Variants in SMAD4 observed in about 807,000 individuals in gnomAD.
SMAD4 encodes MAD homolog 4.
SMAD4 carries 7 observed loss-of-function variants against 63.2 expected under a neutral mutation model. That is an observed-to-expected ratio of 0.11 (90% confidence interval 0.06 to 0.21). The LOEUF is 0.21. Ranked by LOEUF, SMAD4 falls within the 10% of genes least tolerant of loss-of-function variation. SMAD4 has a pLI of 1.00. For synonymous variants in SMAD4, 215 were observed against 235.4 expected, an observed-to-expected ratio of 0.91 and a Z score of 0.79; for missense variants, 312 against 693.8, an observed-to-expected ratio of 0.45 and a Z score of 6.18.
At chr18:51,070,492 A>T (rs976606990) in intron 10 of SMAD4, among the ~76,000 whole-genome samples, 1 of 152,224 alleles carries the variant, frequency 6.6e-6, no homozygotes, top group Non-Finnish European at 1.5e-5. Flanking sequence ...TAAAATAATT[A>T]TGTCTGTTTA....
chr18:51,035,743 A>G (rs1909184910), intron 1 of SMAD4, among the ~76,000 whole-genome samples: 1 of 152,144 alleles, frequency 6.6e-6, no homozygotes, highest in Admixed American at 6.5e-5. Flanking sequence ...CATCTAGGGC[A>G]TGTTCAGCTC....
intron 1 of SMAD4, among the ~76,000 whole-genome samples, chr18:51,034,277 G>C (rs981626262): frequency 7.4e-6 from 1 of 134,630 alleles, no homozygotes; most frequent in Admixed American, 8.5e-5. Flanking sequence ...ACGGAGTTTC[G>C]CTCTTGTCAC....
intron 10 of SMAD4, among the ~76,000 whole-genome samples, chr18:51,071,276 A>ACATACACACACACG (rs1910308533): frequency 1.3e-5 from 2 of 152,044 alleles, no homozygotes; most frequent in African/African-American, 4.8e-5. Flanking sequence ...ACACACACAC[A>ACATACACACACACG]CACATACACA....
intron 10 of SMAD4, among the ~76,000 whole-genome samples, chr18:51,070,492 A>G (rs976606990): frequency 5.3e-5 from 8 of 152,224 alleles, no homozygotes; most frequent in African/African-American, 1.2e-4. Context: ...TAAAATAATT[A>G]TGTCTGTTTA....
chr18:51,058,516 T>A lies in SMAD4; in HGVS notation c.904+60T>A, dbSNP rs1909909632. 4 of 1,102,906 alleles carry A rather than the reference T, an allele frequency of 3.6e-6. No individual in the cohort carries two copies. The Admixed American group carries it at 8.1e-5, about 22-fold the overall frequency. The allele number at this position is 1,102,906 out of a possible 1,614,324, so 68.3% of individuals were successfully genotyped here. On this transcript the variant is annotated intron_variant, in intron 7 of 11. Transcript: ENST00000342988. Reference sequence around the variant, plus strand: ...TTTTTTTTTTTGGTAGGGCTTTGTTTTCTGTTTTTTAAAAATGTTTTTACA... The same window carrying A: ...TTTTTTTTTTTGGTAGGGCTTTGTTATCTGTTTTTTAAAAATGTTTTTACA...
rs986834241 is a variant in SMAD4 at position 51,080,817 on chromosome 18, G to A, written c.*2350G>A. 11 of 175,936 alleles carry A rather than the reference G, an allele frequency of 6.3e-5. No homozygotes were observed. The highest frequency in any genetic ancestry group is 5.9e-4 in the East Asian group (6 of 10,202). 10.9% of individuals were successfully genotyped at this position (175,936 alleles called of 1,614,324 possible). On this transcript the variant is annotated 3_prime_UTR_variant, in exon 12 of 12. Transcript: ENST00000342988. ...TGGCCTCCCAAAGTGCTGGGATTAC[G>A]GGCGTGAGCCACTGTCCCTGGCCTC...
At chr18:51,070,269 CAAAT>C (rs1403715367) in intron 10 of SMAD4, among the ~76,000 whole-genome samples, 2 of 152,112 alleles carry the variant, frequency 1.3e-5, no homozygotes, top group African/African-American at 4.8e-5. Flanking sequence ...TCTTGGATGT[CAAAT>C]AGATACATTG....
intron 1 of SMAD4, among the ~76,000 whole-genome samples, chr18:51,042,648 G>A (rs905141630): frequency 3.9e-5 from 6 of 151,970 alleles, no homozygotes; most frequent in South Asian, 2.1e-4. Flanking sequence ...CAACCATGTC[G>A]GCCTCTTAAA....
chr18:51,056,991 C>T (rs144880327), intron 5 of SMAD4, among the ~76,000 whole-genome samples: 168 of 152,184 alleles, frequency 1.1e-3, no homozygotes, highest in Admixed American at 3.2e-3. Flanking sequence ...TTAAAGATAA[C>T]TTGCAGAATC....
At chr18:51,074,267 G>T (rs991144617) in intron 10 of SMAD4, among the ~76,000 whole-genome samples, 20 of 151,650 alleles carry the variant, frequency 1.3e-4, no homozygotes, top group African/African-American at 4.1e-4. Context: ...TGTAGTCCTG[G>T]CTAGTTGGGA....
intron 1 of SMAD4, among the ~76,000 whole-genome samples, chr18:51,031,505 C>T (rs1275801345): frequency 6.6e-6 from 1 of 152,048 alleles, no homozygotes; most frequent in Non-Finnish European, 1.5e-5. Flanking sequence ...TTAGTTTTTG[C>T]ACCGTAGTTT....
At chr18:51,034,182 G>A (rs949658240) in intron 1 of SMAD4, among the ~76,000 whole-genome samples, 1 of 151,386 alleles carries the variant, frequency 6.6e-6, no homozygotes, top group Non-Finnish European at 1.5e-5. Context: ...TTAGGGCAAC[G>A]GTCTTTTCTT....
chr18:51,042,108 G>C (rs1333860674), intron 1 of SMAD4, among the ~76,000 whole-genome samples: 2 of 152,084 alleles, frequency 1.3e-5, no homozygotes, highest in Non-Finnish European at 2.9e-5. Flanking sequence ...TGGTGGCCAG[G>C]GATGCCATCC....
chr18:51,031,688 T>C (rs1472455333), intron 1 of SMAD4, among the ~76,000 whole-genome samples: 2 of 152,130 alleles, frequency 1.3e-5, no homozygotes, highest in Non-Finnish European at 2.9e-5. Flanking sequence ...TACTCGGGTG[T>C]TTTAAGAAGT....
At chr18:51,048,636 AGT>A (rs1326053063) in intron 2 of SMAD4, 48 bp from the exon 3 acceptor site, 7 of 1,489,928 alleles carry the variant, frequency 4.7e-6, no homozygotes, top group Non-Finnish European at 6.6e-6. Flanking sequence ...AATATATAAA[AGT>A]GTCTTGCATA....
intron 1 of SMAD4, among the ~76,000 whole-genome samples, chr18:51,044,308 C>T (rs141717957): frequency 2.4e-4 from 37 of 152,220 alleles, no homozygotes; most frequent in Non-Finnish European, 4.4e-4. Context: ...CCATGCCTGG[C>T]GAACCTCCTA....
rs1909960229 is a variant in SMAD4 at position 51,059,898 on chromosome 18, C to G, written c.937C>G (p.Pro313Ala). Residue 313 changes from proline to alanine, a missense_variant, in exon 8 of 12, where the codon CCC becomes GCC. Physicochemically the swap from Pro to Ala is conservative, Grantham distance 27 (BLOSUM62 -1). Coordinates refer to ENST00000342988, the MANE Select transcript of SMAD4 (RefSeq NM_005359.6). ...PVHNELAFQP[P>A]ISNHPAPEYW... ...TCACAATGAGCTTGCATTCCAGCCT[C>G]CCATTTCCAATCATCCTGGTAAGTG... 6.2e-7 allele frequency: 1 copy of G among 1,612,718 alleles called. No homozygotes were observed. Among genetic ancestry groups the G allele is most frequent in the East Asian group, 2.2e-5 (1 of 44,798 alleles).
chr18:51,049,000 A>G (rs796782051), intron 3 of SMAD4, 140 bp downstream of exon 3: 10 of 755,528 alleles, frequency 1.3e-5, no homozygotes, highest in Admixed American at 1.0e-4. Context: ...CATTTTTAAT[A>G]TACGTATTTA....
At chr18:51,046,871 C>G (rs1909557786) in intron 1 of SMAD4, 49 bp from the exon 2 acceptor site, 1 of 606,524 alleles carries the variant, frequency 1.6e-6, no homozygotes, top group East Asian at 2.7e-5. Context: ...GTCAGATCTA[C>G]TTCGTAAAAT....
Sources: allele counts gnomAD v4.1 joint callset (sites outside exome capture counted in the v4.1 genomes callset), GRCh38; gene constraint gnomAD v4.1.1; transcripts MANE v1.5; gene names NCBI Gene and HGNC (gene_info 2026-07-23, HGNC 2026-07-21).